ATP9A: variants seen among roughly 807,000 people sequenced by gnomAD.
ATP9A encodes ATPase phospholipid transporting 9A.
A neutral mutation model predicts 144.1 loss-of-function variants in ATP9A; 52 were observed. That is an observed-to-expected ratio of 0.36 (90% CI 0.29 to 0.45). The LOEUF (loss-of-function observed/expected upper bound fraction) is 0.45. Among genes scored for constraint, ATP9A ranks in the 20% least tolerant of loss-of-function variants. The pLI is 1.00. For synonymous variants in ATP9A, 582 were observed against 557.4 expected (o/e 1.04, Z -0.62); for missense variants, 947 against 1,392.7 (o/e 0.68, Z 5.09).
At chr20:51,666,567 G>C (rs2122781931) in intron 13 of ATP9A, among the ~76,000 whole-genome samples, 1 of 151,990 alleles carries the variant, frequency 6.6e-6, no homozygotes, top group East Asian at 1.9e-4. Flanking sequence ...TGTAATCCCA[G>C]CTACTAGGAA....
At chr20:51,649,435 A>G (rs1256794774) in intron 14 of ATP9A, among the ~76,000 whole-genome samples, 1 of 152,032 alleles carries the variant, frequency 6.6e-6, no homozygotes, top group African/African-American at 2.4e-5. Context: ...TGACTCTATC[A>G]TAAGAGGGGC....
In ATP9A at chr20:51,601,266, A is replaced by AT; in HGVS notation, c.3088_3089insA (p.Leu1030HisfsTer55). The AT allele has an allele frequency of 6.2e-7, 1 of 1,613,964 alleles. No homozygotes were observed. Among genetic ancestry groups the AT allele is most frequent in the Non-Finnish European group, 8.5e-7 (1 of 1,179,932 alleles). The stretch of plus-strand genomic sequence containing the variant: ...AGAGAACCGTCTTCGCAGGTACTTG[A>AT]GGACATAGAGGGGGAGGCAGCTGAC... On this transcript the variant is annotated frameshift_variant, in exon 28 of 28. Coordinates refer to ENST00000338821, the MANE Select transcript of ATP9A (RefSeq NM_006045.3). LOFTEE classifies it high-confidence loss of function.
At chr20:51,686,373 A>AG (rs991527236) in intron 9 of ATP9A, among the ~76,000 whole-genome samples, 6 of 152,038 alleles carry the variant, frequency 3.9e-5, no homozygotes, top group Admixed American at 3.3e-4. Flanking sequence ...ATTAAAAAAA[A>AG]AAAGAAAATG....
chr20:51,728,320 C>T (rs1310814779), intron 2 of ATP9A, among the ~76,000 whole-genome samples: 1 of 152,032 alleles, frequency 6.6e-6, no homozygotes, highest in Non-Finnish European at 1.5e-5. Flanking sequence ...TGAATATAGT[C>T]AAAATCACCC....
At chr20:51,656,122 G>C (rs926251084) in intron 14 of ATP9A, among the ~76,000 whole-genome samples, 2 of 151,948 alleles carry the variant, frequency 1.3e-5, no homozygotes, top group Non-Finnish European at 2.9e-5. Flanking sequence ...CTTTAGGGCT[G>C]GAGGAATGAG....
chr20:51,668,990 C>T (rs974374367), intron 13 of ATP9A, among the ~76,000 whole-genome samples: 5 of 152,170 alleles, frequency 3.3e-5, no homozygotes, highest in African/African-American at 4.8e-5. Flanking sequence ...TCTTACTGGT[C>T]TTCTGACTAT....
At chr20:51,724,329 T>C (rs780555847) in intron 3 of ATP9A, among the ~76,000 whole-genome samples, 19 of 152,172 alleles carry the variant, frequency 1.2e-4, no homozygotes, top group South Asian at 4.1e-4. Flanking sequence ...GCCCTCTCCA[T>C]AGCTCAGTTA....
intron 15 of ATP9A, among the ~76,000 whole-genome samples, chr20:51,633,690 G>A (rs2122738250): frequency 6.6e-6 from 1 of 151,978 alleles, no homozygotes. Context: ...AGGCTGCAAT[G>A]AGCCATGTTC....
At chr20:51,737,810 C>T (rs8114350) in intron 1 of ATP9A, among the ~76,000 whole-genome samples, 161 of 152,170 alleles carry the variant, frequency 1.1e-3, no homozygotes, top group African/African-American at 2.8e-3. Flanking sequence ...ACTCATACTA[C>T]GGGATACAAA....
intron 14 of ATP9A, 82 bp from the exon 15 acceptor site, chr20:51,639,586 A>C (rs1343326888): frequency 5.7e-6 from 8 of 1,409,636 alleles, no homozygotes; most frequent in Non-Finnish European, 6.7e-6. Context: ...CAAAGGCAGA[A>C]GGGGGCTCAG....
chr20:51,655,260 A>G (rs1347065425), intron 14 of ATP9A, among the ~76,000 whole-genome samples: 3 of 152,206 alleles, frequency 2.0e-5, no homozygotes, highest in Non-Finnish European at 2.9e-5. Context: ...AACTATATCA[A>G]TAGGAAAATT....
intron 1 of ATP9A, among the ~76,000 whole-genome samples, chr20:51,744,705 A>C (rs558933029): frequency 6.6e-6 from 1 of 152,354 alleles, no homozygotes; most frequent in Admixed American, 6.5e-5. Context: ...GAGTTCCCCT[A>C]TAATCAGTTA....
intron 14 of ATP9A, among the ~76,000 whole-genome samples, chr20:51,654,053 C>T (rs1044326994): frequency 1.3e-5 from 2 of 152,132 alleles, no homozygotes; most frequent in Non-Finnish European, 2.9e-5. Flanking sequence ...TACTATGGCA[C>T]AAGTCCAAGT....
rs150565295 is a variant in ATP9A at position 51,757,628 on chromosome 20, G to T, written c.68+10674C>A. On this transcript the variant is annotated intron_variant, in intron 1 of 27. Coordinates refer to ENST00000338821, the MANE Select transcript of ATP9A (RefSeq NM_006045.3). ...TTAGACAAAAATAAAAGCAGGGCCA[G>T]GCACAGTGGCTGCTGCCTGTAGTCC... Among the ~76,000 whole-genome samples the T allele has an allele frequency of 5.1e-3, 781 of 152,296 alleles. 5 individuals are homozygous for T. The highest frequency in any genetic ancestry group is 0.018 in the African/African-American group (736 of 41,546).
At chr20:51,694,992 G>A (rs2077564455) in intron 6 of ATP9A, among the ~76,000 whole-genome samples, 1 of 152,098 alleles carries the variant, frequency 6.6e-6, no homozygotes, top group African/African-American at 2.4e-5. Context: ...TTTTAATCTA[G>A]TGCCTTTTAT....
intron 14 of ATP9A, among the ~76,000 whole-genome samples, chr20:51,654,886 C>T (rs960000663): frequency 1.3e-5 from 2 of 152,110 alleles, no homozygotes; most frequent in African/African-American, 4.8e-5. Context: ...AGCTGGATCC[C>T]GGGAGTAAGT....
chr20:51,689,563 A>G (rs1438626789), intron 8 of ATP9A, among the ~76,000 whole-genome samples: 1 of 149,434 alleles, frequency 6.7e-6, no homozygotes, highest in African/African-American at 2.5e-5. Flanking sequence ...TTTGAGATGG[A>G]GTCTCGCTCT....
intron 19 of ATP9A, among the ~76,000 whole-genome samples, chr20:51,620,788 G>C (rs1314854774): frequency 2.6e-5 from 4 of 152,188 alleles, no homozygotes; most frequent in Admixed American, 6.5e-5. Flanking sequence ...GGGGCTGAAA[G>C]GAGGGGGGAG....
chr20:51,719,931 C>T (rs2047177363), intron 3 of ATP9A, among the ~76,000 whole-genome samples: 1 of 152,096 alleles, frequency 6.6e-6, no homozygotes, highest in South Asian at 2.1e-4. Flanking sequence ...CACCTGTAAT[C>T]CCAGTTACTC....
Sources: gnomAD v4.1 joint callset for allele counts (sites outside exome capture counted in the v4.1 genomes callset) on GRCh38, gnomAD v4.1.1 for gene constraint, MANE v1.5 for transcripts, NCBI Gene and HGNC (gene_info 2026-07-23, HGNC 2026-07-21) for gene names.